SERAC1: variants seen among roughly 807,000 people sequenced by gnomAD.
SERAC1 encodes serine active site containing 1, also known as protein SERAC1.
In SERAC1, 36 loss-of-function variants were observed where a neutral mutation model predicts 85.7. That is an observed-to-expected ratio of 0.42 (90% CI 0.32 to 0.55). The LOEUF is 0.55. Ranked by LOEUF, SERAC1 falls within the 20% of genes least tolerant of loss-of-function variation. The pLI, the probability that SERAC1 is intolerant of heterozygous loss-of-function variation, is 0.11. For missense variants in SERAC1, 629 were observed against 796.2 expected, an observed-to-expected ratio of 0.79 and a Z score of 2.53; for synonymous variants, 242 against 265.3, an observed-to-expected ratio of 0.91 and a Z score of 0.85.
intron 8 of SERAC1, among the ~76,000 whole-genome samples, chr6:158,136,181 AAG>A (rs1784789463): frequency 2.0e-5 from 3 of 152,248 alleles, no homozygotes; most frequent in Admixed American, 6.5e-5. Context: ...CCAAAATAAA[AAG>A]AGAAAAATTT....
intron 2 of SERAC1, among the ~76,000 whole-genome samples, chr6:158,157,469 A>G (rs1785380992): frequency 6.6e-6 from 1 of 152,232 alleles, no homozygotes; most frequent in Non-Finnish European, 1.5e-5. Flanking sequence ...AAGATCAAAA[A>G]GAAACTCCAT....
chr6:158,157,698 T>C (rs1257272679), intron 2 of SERAC1, among the ~76,000 whole-genome samples: 1 of 152,236 alleles, frequency 6.6e-6, no homozygotes, highest in Admixed American at 6.5e-5. Context: ...ACCTACTACA[T>C]GCCATGCATG....
chr6:158,125,330 TAAATA>T (rs1784514685), intron 10 of SERAC1, among the ~76,000 whole-genome samples: 2 of 152,286 alleles, frequency 1.3e-5, no homozygotes, highest in South Asian at 4.1e-4. Flanking sequence ...CAAAAATTTT[TAAATA>T]AAAAAATAAA....
chr6:158,128,507 T>G (rs1447190698), intron 9 of SERAC1, among the ~76,000 whole-genome samples: 1 of 152,224 alleles, frequency 6.6e-6, no homozygotes, highest in African/African-American at 2.4e-5. Context: ...ACTACTAAAA[T>G]CATTATTCTC....
intron 1 of SERAC1, chr6:158,166,179 G>A (rs1401046018): frequency 1.3e-5 from 2 of 152,142 alleles, no homozygotes; most frequent in Non-Finnish European, 2.9e-5. Flanking sequence ...TTGAAAGTAA[G>A]AATCTAATCC....
intron 3 of SERAC1, among the ~76,000 whole-genome samples, chr6:158,152,284 G>A (rs1023841078): frequency 5.3e-5 from 8 of 152,176 alleles, no homozygotes; most frequent in Non-Finnish European, 1.0e-4. Context: ...GGGAGGCCGA[G>A]GCGGGCGGAT....
chr6:158,142,955 A>G, intron 8 of SERAC1, 101 bp downstream of exon 8: 2 of 908,372 alleles, frequency 2.2e-6, no homozygotes, highest in East Asian at 2.5e-5. Context: ...ACCAGAAGTT[A>G]GCATGTTTAC....
intron 16 of SERAC1, 50 bp from the exon 17 acceptor site, chr6:158,111,552 C>T (rs1225814422): frequency 2.7e-6 from 4 of 1,457,760 alleles, no homozygotes; most frequent in Non-Finnish European, 3.7e-6. Context: ...ATAAGCTTTC[C>T]CCTTGACAAT....
At chr6:158,161,393 A>G (rs1304768718) in intron 1 of SERAC1, 1 of 151,986 alleles carries the variant, frequency 6.6e-6, no homozygotes, top group East Asian at 1.9e-4. Flanking sequence ...GAAAAAAAAA[A>G]AAAAATAGTA....
At chr6:158,116,069 G>C (rs556220920) in intron 14 of SERAC1, 116 bp downstream of exon 14, 95 of 740,828 alleles carry the variant, frequency 1.3e-4, no homozygotes, top group South Asian at 1.0e-3. Flanking sequence ...AATTTAGCAG[G>C]GGGGGTAAGG....
intron 8 of SERAC1, among the ~76,000 whole-genome samples, chr6:158,142,711 G>A (rs1016955743): frequency 2.5e-4 from 38 of 152,170 alleles, no homozygotes; most frequent in African/African-American, 6.5e-4. Flanking sequence ...TCTTGACCTC[G>A]TGATCCACCC....
intron 8 of SERAC1, among the ~76,000 whole-genome samples, chr6:158,137,129 G>A (rs1434091884): frequency 6.6e-6 from 1 of 150,846 alleles, no homozygotes; most frequent in African/African-American, 2.4e-5. Context: ...CTGCACCCCA[G>A]CCTGGCAACA....
Position 158,168,204 on chromosome 6 carries a change from A to G in SERAC1, c.-66T>C, listed in dbSNP as rs1435818838. ...CGGACCCCGTTGTCTGGGGAGCCCT[A>G]CTCTTTCCGCGGCTCCCGGCCGGGA... On this transcript the variant is annotated 5_prime_UTR_variant, in exon 1 of 17. Transcript: ENST00000647468. The G allele has an allele frequency of 6.6e-6, 1 of 150,906 alleles. No homozygotes were observed. Among genetic ancestry groups the G allele is most frequent in the Admixed American group, 6.6e-5 (1 of 15,214 alleles). 9.3% of individuals were successfully genotyped at this position (150,906 alleles called of 1,614,324 possible). A position where few individuals can be genotyped will look rare whatever the true frequency, so the allele number is the denominator to read the frequency against.
Position 158,150,480 on chromosome 6 carries a change from CTG to C in SERAC1, c.236_237del (p.Thr79SerfsTer40), listed in dbSNP as rs761658541. ...EKMKSYIYVH[T>X]VSLDKGENHG... ...TGATTTTCTCCTTTGTCTAAAGAAACTGTGTGCACATATATATATGACTTCAT... is the reference window on the plus strand; with the variant it reads ...TGATTTTCTCCTTTGTCTAAAGAAACTGTGCACATATATATATGACTTCAT... On this transcript the variant is annotated frameshift_variant, in exon 4 of 17. Transcript: ENST00000647468. LOFTEE classifies it high-confidence loss of function. 3.2e-6 allele frequency: 5 copies of C among 1,574,296 alleles called. No homozygotes were observed. The highest frequency in any genetic ancestry group is 3.4e-5 in the Admixed American group (2 of 59,632).
At chr6:158,151,242 T>G (rs921258384) in intron 3 of SERAC1, 1 of 151,980 alleles carries the variant, frequency 6.6e-6, no homozygotes, top group African/African-American at 2.4e-5. Flanking sequence ...ACAAAAACAT[T>G]TAAAAAGTTA....
At chr6:158,128,412 G>T in intron 9 of SERAC1, 142 bp from the exon 10 acceptor site, 1 of 693,054 alleles carries the variant, frequency 1.4e-6, no homozygotes, top group Non-Finnish European at 2.4e-6. Flanking sequence ...TCTTGTCTCA[G>T]CTTGCTTAAA....
intron 10 of SERAC1, among the ~76,000 whole-genome samples, chr6:158,122,710 G>A (rs1252704217): frequency 2.0e-5 from 3 of 152,294 alleles, no homozygotes; most frequent in South Asian, 2.1e-4. Context: ...AACCCGGGAG[G>A]TGGAGGTTGC....
Position 158,117,457 on chromosome 6 carries a change from T to C in SERAC1, c.1403+270A>G, listed in dbSNP as rs1484321853. The C allele has an allele frequency of 1.7e-5, 26 of 1,500,906 alleles. No homozygotes were observed. Among genetic ancestry groups the C allele is most frequent in the Non-Finnish European group, 2.3e-5 (25 of 1,110,332 alleles). The allele number at this position is 1,500,906 out of a possible 1,614,324, so 93.0% of individuals were successfully genotyped here. On this transcript the variant is annotated intron_variant, in intron 13 of 16. Transcript: ENST00000647468. This position sits in a 1 kb window ranked among gnomAD's most constrained non-coding sequence, Gnocchi z 4.3. ...TACTTCTGATAGAAAAGGAGACTGCTAGACAATCCACGATCCTTCACTATT... is the reference window on the plus strand; with the variant it reads ...TACTTCTGATAGAAAAGGAGACTGCCAGACAATCCACGATCCTTCACTATT...
chr6:158,153,139 T>C (rs1785245691), intron 3 of SERAC1, among the ~76,000 whole-genome samples: 1 of 152,202 alleles, frequency 6.6e-6, no homozygotes, highest in South Asian at 2.1e-4. Flanking sequence ...TCTTTACAGT[T>C]TTACCACCTA....
Sources: allele counts gnomAD v4.1 joint callset (sites outside exome capture counted in the v4.1 genomes callset), GRCh38; gene constraint gnomAD v4.1.1; non-coding constraint Gnocchi (gnomAD v3.1); transcripts MANE v1.5; gene names NCBI Gene and HGNC (gene_info 2026-07-23, HGNC 2026-07-21).